PDE1C: variants seen among roughly 807,000 people sequenced by gnomAD.
PDE1C encodes dual specificity calcium/calmodulin-dependent 3',5'-cyclic nucleotide phosphodiesterase 1C.
In PDE1C, 62 loss-of-function variants were observed where a neutral mutation model predicts 93.1. The observed-to-expected ratio is 0.67, with a 90% confidence interval of 0.54 to 0.82. PDE1C has a LOEUF of 0.82. Among genes scored for constraint, PDE1C ranks in the 40% least tolerant of loss-of-function variants. PDE1C has a pLI of 0.00. For missense variants in PDE1C, 742 were observed against 884.6 expected, an observed-to-expected ratio of 0.84 and a Z score of 2.04; for synonymous variants, 325 against 310.1, an observed-to-expected ratio of 1.05 and a Z score of -0.50.
chr7:31,953,550 T>G (rs1807704375), intron 2 of PDE1C, among the ~76,000 whole-genome samples: 1 of 152,150 alleles, frequency 6.6e-6, no homozygotes, highest in Admixed American at 6.5e-5. Context: ...CTTGCTGGAT[T>G]TCCTCTATAA....
At chr7:32,325,806 A>C (rs1380207138) in intron 1 of PDE1C, among the ~76,000 whole-genome samples, 1 of 152,198 alleles carries the variant, frequency 6.6e-6, no homozygotes, top group Non-Finnish European at 1.5e-5. Context: ...AATTATAAGG[A>C]CTTTTACTTT....
chr7:31,663,540 G>C, the PDE1C span, among the ~76,000 whole-genome samples: 1 of 152,144 alleles, frequency 6.6e-6, no homozygotes, highest in Non-Finnish European at 1.5e-5. Context: ...AAAAAAGCAG[G>C]AACTTTTTTC....
intron 3 of PDE1C, among the ~76,000 whole-genome samples, chr7:32,114,067 T>C (rs573013632): frequency 1.3e-5 from 2 of 152,310 alleles, no homozygotes; most frequent in East Asian, 1.9e-4. Flanking sequence ...AAGTAATTTA[T>C]AGATTCAATG....
In PDE1C at chr7:32,318,089, A is replaced by C. The variant is rs1350762667; in HGVS notation, c.311-108550T>G. 2.6e-5 allele frequency among the ~76,000 whole-genome samples: 4 copies of C among 152,154 alleles called. No homozygotes were observed. In the East Asian group the frequency reaches 5.8e-4, roughly 22 times the overall value. ...TATTTCCAATGCGTAACAACACTTC[A>C]TAAAGTTGTTCTAACCCTTGAATTT... On this transcript the variant is annotated intron_variant, in intron 1 of 1. Transcript: ENST00000672256.
At chr7:32,340,140 T>C (rs991519431) in intron 1 of PDE1C, among the ~76,000 whole-genome samples, 1 of 152,112 alleles carries the variant, frequency 6.6e-6, no homozygotes, top group Non-Finnish European at 1.5e-5. Context: ...GCATTAAATA[T>C]GTGAGTTGGA....
intron 1 of PDE1C, among the ~76,000 whole-genome samples, chr7:32,399,783 C>T (rs2128095184): frequency 6.6e-6 from 1 of 152,008 alleles, no homozygotes; most frequent in Middle Eastern, 3.4e-3. Flanking sequence ...AGGGTTTTGC[C>T]ATTTTGGTCA....
At chr7:32,088,800 A>C (rs1475497998) in intron 3 of PDE1C, among the ~76,000 whole-genome samples, 1 of 152,178 alleles carries the variant, frequency 6.6e-6, no homozygotes, top group Non-Finnish European at 1.5e-5. Flanking sequence ...GCTGCAAGGA[A>C]ATAACCTACG....
intron 3 of PDE1C, among the ~76,000 whole-genome samples, chr7:32,167,591 A>G (rs1327428599): frequency 6.6e-6 from 1 of 152,176 alleles, no homozygotes; most frequent in Non-Finnish European, 1.5e-5. Context: ...TCTTGAACCC[A>G]GCCTGTCAAT....
At chr7:31,932,222 CT>C (rs1302783297) in intron 2 of PDE1C, among the ~76,000 whole-genome samples, 2 of 152,144 alleles carry the variant, frequency 1.3e-5, no homozygotes, top group African/African-American at 4.8e-5. Context: ...CAAATAGGAT[CT>C]AATTAAACTA....
chr7:31,896,136 T>C (rs1799302403), intron 2 of PDE1C, among the ~76,000 whole-genome samples: 1 of 152,234 alleles, frequency 6.6e-6, no homozygotes, highest in Admixed American at 6.5e-5. Flanking sequence ...TGAATAAATC[T>C]GGCCCTGCTA....
At chr7:31,907,102 T>C (rs1800701176) in intron 2 of PDE1C, among the ~76,000 whole-genome samples, 1 of 151,936 alleles carries the variant, frequency 6.6e-6, no homozygotes, top group South Asian at 2.1e-4. Context: ...TGTGTGTTTC[T>C]TACCTCAGGG....
In PDE1C at chr7:32,147,984, T is replaced by TAAAAAAAAAAAAAAAAAAAAAAAAAA. The variant is rs752433564; in HGVS notation, c.308+21800_308+21801insTTTTTTTTTTTTTTTTTTTTTTTTTT. ...AACTTGCCTCTCAACCCATTTATGC[T>TAAAAAAAAAAAAAAAAAAAAAAAAAA]AAAAAAAAAAAAAAAAAAAAAGCCT... On this transcript the variant is annotated intron_variant, in intron 3 of 18. Coordinates refer to the PDE1C transcript ENST00000396193. 1.4e-4 allele frequency among the ~76,000 whole-genome samples: 11 copies of TAAAAAAAAAAAAAAAAAAAAAAAAAA among 79,720 alleles called. 2 individuals are homozygous for TAAAAAAAAAAAAAAAAAAAAAAAAAA. Among genetic ancestry groups the TAAAAAAAAAAAAAAAAAAAAAAAAAA allele is most frequent in the Non-Finnish European group, 1.8e-4 (8 of 44,768 alleles). The allele number at this position is 79,720 out of a possible 152,430, so 52.3% of individuals were successfully genotyped here. A position where few individuals can be genotyped will look rare whatever the true frequency, so the allele number is the denominator to read the frequency against.
intron 16 of PDE1C, chr7:31,790,104 G>A: frequency 6.5e-7 from 1 of 1,528,980 alleles, no homozygotes; most frequent in Non-Finnish European, 8.8e-7. Context: ...AAGGGTCAGG[G>A]GGTGGGGGGC....
At chr7:31,958,901 G>T (rs1289645189) in intron 2 of PDE1C, among the ~76,000 whole-genome samples, 1 of 152,122 alleles carries the variant, frequency 6.6e-6, no homozygotes, top group Non-Finnish European at 1.5e-5. Flanking sequence ...TCCAGACCTT[G>T]ACTTCTATAC....
At chr7:31,618,493 CA>C in the PDE1C span, among the ~76,000 whole-genome samples, 1 of 152,104 alleles carries the variant, frequency 6.6e-6, no homozygotes, top group Non-Finnish European at 1.5e-5. Flanking sequence ...TTTCCTGATC[CA>C]AAGCCTAATC....
At chr7:31,711,607 C>G in the PDE1C span, among the ~76,000 whole-genome samples, 1 of 152,130 alleles carries the variant, frequency 6.6e-6, no homozygotes, top group Admixed American at 6.5e-5. Context: ...TCCACCCTCT[C>G]TCTCTTAATT....
At chr7:32,017,974 G>A (rs1021304884) in intron 2 of PDE1C, among the ~76,000 whole-genome samples, 2 of 151,956 alleles carry the variant, frequency 1.3e-5, no homozygotes, top group African/African-American at 4.8e-5. Context: ...CTGCTACTTG[G>A]GAGGCTGAGG....
intron 1 of PDE1C, among the ~76,000 whole-genome samples, chr7:32,397,754 G>T (rs376501118): frequency 6.6e-6 from 1 of 152,036 alleles, no homozygotes; most frequent in Admixed American, 6.6e-5. Flanking sequence ...GGTGGCTCAC[G>T]CCTGTAATCT....
intron 2 of PDE1C, among the ~76,000 whole-genome samples, chr7:31,981,444 G>A (rs1007570083): frequency 6.6e-6 from 1 of 152,220 alleles, no homozygotes; most frequent in South Asian, 2.1e-4. Flanking sequence ...ATTAAAATGT[G>A]TGTTAATGAA....
Sources: gnomAD v4.1 joint callset for allele counts (sites outside exome capture counted in the v4.1 genomes callset) on GRCh38, gnomAD v4.1.1 for gene constraint, MANE v1.5 for transcripts, NCBI Gene and HGNC (gene_info 2026-07-23, HGNC 2026-07-21) for gene names.